RAB38: variants seen among roughly 807,000 people sequenced by gnomAD.
RAB38 encodes the protein ras-related protein Rab-38.
Under a neutral mutation model 18.4 loss-of-function variants are expected in RAB38, and 15 were observed. The ratio of observed to expected loss-of-function variants is 0.82; its 90% CI spans 0.55 to 1.26. RAB38 has a LOEUF of 1.26. RAB38 is among the 50% of genes most tolerant of loss of function. RAB38 has a pLI of 0.00. For synonymous variants in RAB38, 101 were observed against 104.4 expected (o/e 0.97, Z 0.20); for missense variants, 294 against 267.4 (o/e 1.10, Z -0.69).
At chr11:88,139,999 A>C (rs1227236557) in intron 2 of RAB38, among the ~76,000 whole-genome samples, 1 of 152,230 alleles carries the variant, frequency 6.6e-6, no homozygotes, top group Non-Finnish European at 1.5e-5. Context: ...GATTATAAGA[A>C]TTTCAGTGAA....
chr11:88,034,364 ATGCCCAAGAACACAAATGC>A, the RAB38 span, among the ~76,000 whole-genome samples: 3 of 152,244 alleles, frequency 2.0e-5, no homozygotes, highest in African/African-American at 7.2e-5. Flanking sequence ...TATGGCATAA[ATGCCCAAGAACACAAATGC>A]TGGGTTTACA....
chr11:88,099,925 T>C, the RAB38 span: 1 of 151,886 alleles, frequency 6.6e-6, no homozygotes, highest in African/African-American at 2.4e-5. Context: ...AAATAGGTTA[T>C]CTCATTTAAC....
chr11:87,821,526 G>A, the RAB38 span, among the ~76,000 whole-genome samples: 2 of 152,142 alleles, frequency 1.3e-5, no homozygotes, highest in African/African-American at 4.8e-5. Context: ...TAGTAAATTT[G>A]TGACTAAGTC....
At chr11:88,006,056 A>G in the RAB38 span, among the ~76,000 whole-genome samples, 2 of 151,596 alleles carry the variant, frequency 1.3e-5, no homozygotes, top group African/African-American at 4.8e-5. Flanking sequence ...GCTAACATCT[A>G]AAATATATAA....
chr11:87,877,379 AATT>A, the RAB38 span, among the ~76,000 whole-genome samples: 1 of 151,490 alleles, frequency 6.6e-6, no homozygotes, highest in African/African-American at 2.4e-5. Flanking sequence ...TACATTGCAG[AATT>A]ATTGTGAGGA....
the RAB38 span, among the ~76,000 whole-genome samples, chr11:87,883,046 G>T: frequency 1.3e-5 from 2 of 151,788 alleles, no homozygotes; most frequent in Admixed American, 1.3e-4. Flanking sequence ...TGTGATTGTG[G>T]TCGACAAGGC....
At chr11:87,911,289 G>C in the RAB38 span, among the ~76,000 whole-genome samples, 5 of 151,856 alleles carry the variant, frequency 3.3e-5, no homozygotes, top group Non-Finnish European at 7.4e-5. Flanking sequence ...ATTAATTTTC[G>C]ATTCAACTTG....
At chr11:87,939,538 A>G in the RAB38 span, among the ~76,000 whole-genome samples, 1 of 152,080 alleles carries the variant, frequency 6.6e-6, no homozygotes, top group Non-Finnish European at 1.5e-5. Flanking sequence ...CTCAAATCTT[A>G]AAACAGAATT....
chr11:88,076,381 C>T, the RAB38 span, among the ~76,000 whole-genome samples: 7 of 152,138 alleles, frequency 4.6e-5, no homozygotes, highest in Non-Finnish European at 8.8e-5. Context: ...AAGATACCTA[C>T]TTTCACCATT....
At chr11:88,146,805 C>T (rs1292799533) in intron 2 of RAB38, among the ~76,000 whole-genome samples, 1 of 152,142 alleles carries the variant, frequency 6.6e-6, no homozygotes, top group African/African-American at 2.4e-5. Context: ...TTGAACGTGC[C>T]TTCTGTATTT....
At chr11:88,056,240 A>G in the RAB38 span, among the ~76,000 whole-genome samples, 1 of 152,182 alleles carries the variant, frequency 6.6e-6, no homozygotes, top group African/African-American at 2.4e-5. Flanking sequence ...TATTACAGAT[A>G]CAAAGGTGAC....
At chr11:87,962,013 T>G in the RAB38 span, among the ~76,000 whole-genome samples, 2 of 152,158 alleles carry the variant, frequency 1.3e-5, no homozygotes, top group Non-Finnish European at 2.9e-5. Context: ...GACTGCTACC[T>G]GTGTCTTATT....
chr11:87,806,505 A>T, the RAB38 span, among the ~76,000 whole-genome samples: 5 of 152,208 alleles, frequency 3.3e-5, no homozygotes, highest in Non-Finnish European at 7.3e-5. Flanking sequence ...CATTGGGAAT[A>T]TCTGGTTCAA....
the RAB38 span, among the ~76,000 whole-genome samples, chr11:87,975,223 A>T: frequency 6.6e-6 from 1 of 151,834 alleles, no homozygotes; most frequent in Non-Finnish European, 1.5e-5. Context: ...GCAGATCCCC[A>T]ATTAGGTGCA....
the RAB38 span, among the ~76,000 whole-genome samples, chr11:87,831,797 C>T: frequency 6.6e-6 from 1 of 152,072 alleles, no homozygotes; most frequent in South Asian, 2.1e-4. Flanking sequence ...AAGACATAAT[C>T]TTAATGTATG....
the RAB38 span, among the ~76,000 whole-genome samples, chr11:87,961,686 A>C: frequency 1.3e-5 from 2 of 152,166 alleles, no homozygotes; most frequent in East Asian, 3.9e-4. Flanking sequence ...AAGTCCTAGA[A>C]ACCAAGCCTG....
At chr11:88,107,455 T>G in the RAB38 span, among the ~76,000 whole-genome samples, 1 of 152,140 alleles carries the variant, frequency 6.6e-6, no homozygotes, top group Non-Finnish European at 1.5e-5. Flanking sequence ...AATATCTACA[T>G]GTATTGATTA....
chr11:87,901,099 C>T, the RAB38 span, among the ~76,000 whole-genome samples: 1 of 151,544 alleles, frequency 6.6e-6, no homozygotes, highest in Non-Finnish European at 1.5e-5. Flanking sequence ...CTTTCTCTGG[C>T]TGCACATTGG....
the RAB38 span, among the ~76,000 whole-genome samples, chr11:87,849,988 G>A: frequency 3.3e-5 from 5 of 151,612 alleles, no homozygotes; most frequent in Non-Finnish European, 1.5e-5. Context: ...CTTTTAAATG[G>A]CTGTTCTGTT....
Sources: allele counts gnomAD v4.1 joint callset (sites outside exome capture counted in the v4.1 genomes callset), GRCh38; gene constraint gnomAD v4.1.1; transcripts MANE v1.5; gene names NCBI Gene and HGNC (gene_info 2026-07-23, HGNC 2026-07-21).